RANBP17: variants seen among roughly 807,000 people sequenced by gnomAD.
RANBP17 encodes ran-binding protein 17.
In RANBP17, 158 loss-of-function variants were observed where a neutral mutation model predicts 141.2. That is an observed-to-expected ratio of 1.12 (90% CI 0.98 to 1.28). The LOEUF (loss-of-function observed/expected upper bound fraction) is 1.28, where lower values mean the gene tolerates loss of function less well. Ranked by LOEUF, RANBP17 falls within the 50% of genes most tolerant of loss-of-function variation. RANBP17 has a pLI of 0.00. For missense variants in RANBP17, 1,438 were observed against 1,290.7 expected, an observed-to-expected ratio of 1.11 and a Z score of -1.75; for synonymous variants, 430 against 450.0, an observed-to-expected ratio of 0.96 and a Z score of 0.56.
intron 1 of RANBP17, among the ~76,000 whole-genome samples, chr5:170,868,274 G>C (rs1333973940): frequency 6.6e-6 from 1 of 151,952 alleles, no homozygotes; most frequent in Non-Finnish European, 1.5e-5. Flanking sequence ...TTTTAGACAG[G>C]GTCTTGCTCT....
intron 14 of RANBP17, among the ~76,000 whole-genome samples, chr5:171,086,380 G>A (rs1391708246): frequency 6.6e-6 from 1 of 151,840 alleles, no homozygotes; most frequent in Non-Finnish European, 1.5e-5. Flanking sequence ...ATTTTATTGA[G>A]GATTTTTGTA....
intron 18 of RANBP17, among the ~76,000 whole-genome samples, chr5:171,191,673 C>A (rs1339094117): frequency 3.3e-5 from 5 of 150,166 alleles, no homozygotes; most frequent in African/African-American, 1.2e-4. Flanking sequence ...GGCAACAGAG[C>A]GAGACTCCGT....
chr5:170,862,435 C>G (rs903153190), intron 1 of RANBP17, among the ~76,000 whole-genome samples: 10 of 152,206 alleles, frequency 6.6e-5, no homozygotes, highest in Admixed American at 1.3e-4. Flanking sequence ...GCGCGGCTGC[C>G]GAGCGGTGGA....
At chr5:170,908,575 A>C (rs141498570) in intron 5 of RANBP17, among the ~76,000 whole-genome samples, 1 of 151,230 alleles carries the variant, frequency 6.6e-6, no homozygotes, top group South Asian at 2.1e-4. Flanking sequence ...AGGATCATTC[A>C]TACCCCAAAC....
chr5:171,230,767 A>G lies in RANBP17; in HGVS notation c.2422+8927A>G, dbSNP rs192926502. On this transcript the variant is annotated intron_variant, in intron 22 of 27. Coordinates refer to ENST00000523189, the MANE Select transcript of RANBP17 (RefSeq NM_022897.5). ...ACAGAGCAAGACTCTGTTAAAAAAT[A>G]TATATATATATTACAACTTTATCCT... is the stretch of plus-strand genomic sequence containing the variant. 2.6e-3 allele frequency among the ~76,000 whole-genome samples: 398 copies of G among 151,980 alleles called. 2 individuals are homozygous for G. Among genetic ancestry groups the G allele is most frequent in the African/African-American group, 9.0e-3 (372 of 41,490 alleles).
intron 14 of RANBP17, among the ~76,000 whole-genome samples, chr5:171,042,777 TA>T (rs985165941): frequency 1.3e-5 from 2 of 152,198 alleles, no homozygotes; most frequent in African/African-American, 4.8e-5. Flanking sequence ...TAACCCACTC[TA>T]GGGGGGGTCA....
At chr5:171,060,711 T>C (rs1437762539) in intron 14 of RANBP17, among the ~76,000 whole-genome samples, 1 of 152,030 alleles carries the variant, frequency 6.6e-6, no homozygotes, top group Admixed American at 6.6e-5. Context: ...TCTTTTTCTA[T>C]TGATTGGAAT....
intron 24 of RANBP17, among the ~76,000 whole-genome samples, chr5:171,263,931 G>A (rs1766503648): frequency 6.6e-6 from 1 of 152,050 alleles, no homozygotes; most frequent in South Asian, 2.1e-4. Flanking sequence ...GCATGGTAGT[G>A]CACAGCTACA....
At chr5:171,081,574 A>G (rs1323178585) in intron 14 of RANBP17, among the ~76,000 whole-genome samples, 1 of 152,172 alleles carries the variant, frequency 6.6e-6, no homozygotes, top group African/African-American at 2.4e-5. Context: ...TCATTGTACA[A>G]CTGTTATCTT....
At chr5:171,297,771 T>G (rs1356477668) in intron 27 of RANBP17, among the ~76,000 whole-genome samples, 2 of 151,764 alleles carry the variant, frequency 1.3e-5, no homozygotes, top group Non-Finnish European at 2.9e-5. Flanking sequence ...GAAGACTGAC[T>G]TTTTTCCGTG....
At chr5:171,142,178 AT>A (rs1452675321) in intron 14 of RANBP17, among the ~76,000 whole-genome samples, 1 of 152,074 alleles carries the variant, frequency 6.6e-6, no homozygotes, top group South Asian at 2.1e-4. Flanking sequence ...TAGAGCTTCC[AT>A]TTTTTTGTCT....
intron 3 of RANBP17, among the ~76,000 whole-genome samples, chr5:170,886,729 C>G (rs1386228759): frequency 7.3e-6 from 1 of 137,754 alleles, no homozygotes; most frequent in African/African-American, 2.8e-5. Context: ...GTGATCTTGG[C>G]TCACTCCTCC....
chr5:170,909,738 A>G lies in RANBP17; in HGVS notation c.567A>G (p.Leu189=), dbSNP rs1771379252. ...SFRDTSLKDV[L]VLACSLLKEV... ...GTGATACTTCTCTCAAAGACGTTTT[A>G]GTGCTAGCATGCTCTCTTTTAAAAG... is the stretch of plus-strand genomic sequence containing the variant. The change falls in exon 6 of 28, where the codon TTA becomes TTG. Residue 189 remains leucine, a synonymous_variant. Coordinates refer to ENST00000523189, the MANE Select transcript of RANBP17 (RefSeq NM_022897.5). 5 of 1,576,356 alleles carry G rather than the reference A, an allele frequency of 3.2e-6. No individual in the cohort carries two copies. In the East Asian group the frequency reaches 1.1e-4, roughly 35 times the overall value.
intron 14 of RANBP17, among the ~76,000 whole-genome samples, chr5:170,978,625 A>G (rs1777552797): frequency 6.6e-6 from 1 of 152,202 alleles, no homozygotes; most frequent in African/African-American, 2.4e-5. Context: ...TACATATTTT[A>G]TTATTCCACT....
intron 25 of RANBP17, among the ~76,000 whole-genome samples, chr5:171,290,381 AG>A (rs1297214142): frequency 1.4e-5 from 2 of 147,000 alleles, no homozygotes; most frequent in African/African-American, 5.0e-5. Context: ...AAAAAAAAAA[AG>A]AAAGAAAGAA....
intron 14 of RANBP17, among the ~76,000 whole-genome samples, chr5:171,036,988 A>G (rs949072784): frequency 1.3e-5 from 2 of 152,086 alleles, no homozygotes; most frequent in Admixed American, 1.3e-4. Context: ...TGGTAGTTCT[A>G]TTTCAAGTTC....
At chr5:171,111,834 C>T (rs1308528569) in intron 14 of RANBP17, among the ~76,000 whole-genome samples, 1 of 152,144 alleles carries the variant, frequency 6.6e-6, no homozygotes, top group Non-Finnish European at 1.5e-5. Context: ...TGGTAATTGT[C>T]TATTTCCTTG....
intron 14 of RANBP17, among the ~76,000 whole-genome samples, chr5:171,117,249 G>A (rs1048872439): frequency 6.6e-5 from 10 of 152,038 alleles, no homozygotes; most frequent in Non-Finnish European, 1.0e-4. Flanking sequence ...AGGAACCTCC[G>A]TATTTTCTCC....
intron 14 of RANBP17, among the ~76,000 whole-genome samples, chr5:171,055,424 A>G (rs1053372718): frequency 6.6e-6 from 1 of 152,174 alleles, no homozygotes; most frequent in Non-Finnish European, 1.5e-5. Context: ...AAGACAAATC[A>G]TGGTACGAAT....
Sources: allele counts gnomAD v4.1 joint callset (sites outside exome capture counted in the v4.1 genomes callset), GRCh38; gene constraint gnomAD v4.1.1; transcripts MANE v1.5; gene names NCBI Gene and HGNC (gene_info 2026-07-23, HGNC 2026-07-21).